The following COP1 variants were observed in gnomAD, a reference collection of about 807,000 sequenced individuals.
The protein encoded by COP1 is COP1 E3 ubiquitin ligase, also known as E3 ubiquitin-protein ligase COP1.
In COP1, 24 loss-of-function variants were observed where a neutral mutation model predicts 101.3. The observed-to-expected ratio is 0.24, with a 90% CI of 0.17 to 0.33. The LOEUF (loss-of-function observed/expected upper bound fraction) is 0.33, where lower values mean the gene tolerates loss of function less well. COP1 is among the 10% of genes least tolerant of loss of function. The pLI, the probability that COP1 is intolerant of heterozygous loss-of-function variation, is 1.00. For synonymous variants in COP1, 347 were observed against 341.9 expected (o/e 1.01, Z -0.17); for missense variants, 663 against 906.2 (o/e 0.73, Z 3.45).
chr1:176,143,753 C>T (rs1342895606), intron 6 of COP1, among the ~76,000 whole-genome samples: 2 of 151,990 alleles, frequency 1.3e-5, no homozygotes, highest in African/African-American at 4.8e-5. Flanking sequence ...CTAAGACACC[C>T]CTGGGCCAAT....
At chr1:176,005,955 A>AG (rs1344504352) in intron 15 of COP1, among the ~76,000 whole-genome samples, 10 of 151,838 alleles carry the variant, frequency 6.6e-5, no homozygotes, top group South Asian at 2.1e-4. Context: ...GGGGTGTTAA[A>AG]TCTCCCATTA....
intron 15 of COP1, among the ~76,000 whole-genome samples, chr1:176,016,635 C>T (rs1427742239): frequency 6.6e-6 from 1 of 152,052 alleles, no homozygotes; most frequent in Non-Finnish European, 1.5e-5. Flanking sequence ...AACAGAGATG[C>T]CAGGTACATG....
At chr1:176,153,267 T>C (rs1474326845) in intron 5 of COP1, among the ~76,000 whole-genome samples, 1 of 152,094 alleles carries the variant, frequency 6.6e-6, no homozygotes, top group Non-Finnish European at 1.5e-5. Flanking sequence ...CTTATACATG[T>C]CCCTGGGGTA....
intron 18 of COP1, among the ~76,000 whole-genome samples, chr1:175,973,791 T>C (rs181987527): frequency 6.6e-6 from 1 of 152,204 alleles, no homozygotes; most frequent in Non-Finnish European, 1.5e-5. Flanking sequence ...AACTCAGCAT[T>C]GTGCAAAGTT....
At chr1:176,130,570 T>A (rs768650877) in intron 8 of COP1, among the ~76,000 whole-genome samples, 2 of 151,742 alleles carry the variant, frequency 1.3e-5, no homozygotes, top group African/African-American at 4.8e-5. Context: ...TATATTTTTT[T>A]AAAAAACATA....
intron 11 of COP1, among the ~76,000 whole-genome samples, chr1:176,068,052 G>C (rs1313159138): frequency 6.6e-6 from 1 of 152,194 alleles, no homozygotes; most frequent in Non-Finnish European, 1.5e-5. Context: ...GTTGGTAATG[G>C]GTGATGCTAT....
chr1:175,965,674 C>T (rs189951902), intron 18 of COP1, among the ~76,000 whole-genome samples: 82 of 152,130 alleles, frequency 5.4e-4, no homozygotes, highest in Admixed American at 1.7e-3. Context: ...CTGCAACCTC[C>T]GCTTCCCGGG....
intron 18 of COP1, among the ~76,000 whole-genome samples, chr1:175,977,382 C>T (rs1388174929): frequency 6.6e-6 from 1 of 152,036 alleles, no homozygotes; most frequent in African/African-American, 2.4e-5. Flanking sequence ...CAAACAGGCA[C>T]AAAATTAAAT....
chr1:175,989,736 CATT>C (rs1657964851), intron 15 of COP1, among the ~76,000 whole-genome samples: 1 of 152,056 alleles, frequency 6.6e-6, no homozygotes, highest in East Asian at 1.9e-4. Flanking sequence ...TTAATATAAA[CATT>C]ATGGGACATC....
intron 14 of COP1, among the ~76,000 whole-genome samples, chr1:176,036,674 A>G (rs760922427): frequency 3.7e-4 from 56 of 152,158 alleles, no homozygotes; most frequent in Non-Finnish European, 5.9e-4. Context: ...TTGAATTTTG[A>G]TATTTCACCA....
intron 6 of COP1, among the ~76,000 whole-genome samples, chr1:176,141,507 T>A (rs1008567019): frequency 3.3e-5 from 5 of 151,496 alleles, no homozygotes; most frequent in African/African-American, 1.2e-4. Context: ...TCTCAAAAAA[T>A]ACATACATAC....
chr1:176,160,283 T>A (rs868222641), intron 5 of COP1: 75 of 279,868 alleles, frequency 2.7e-4, no homozygotes, highest in African/African-American at 2.2e-3. Flanking sequence ...TTTTTTTTTT[T>A]ACTTTAAGTT....
chr1:176,074,185 G>A (rs2502825), intron 11 of COP1, among the ~76,000 whole-genome samples: 1 of 152,090 alleles, frequency 6.6e-6, no homozygotes, highest in Non-Finnish European at 1.5e-5. Context: ...CCTCGGCCCC[G>A]CAAAGTGCTG....
chr1:176,184,798 T>C, intron 1 of COP1, 106 bp from the exon 2 acceptor site: 1 of 746,994 alleles, frequency 1.3e-6, no homozygotes, highest in South Asian at 1.8e-5. Context: ...ATATACAGTT[T>C]AGAGCTAAGT....
At chr1:176,192,638 A>C (rs777254683) in intron 1 of COP1, among the ~76,000 whole-genome samples, 2 of 152,166 alleles carry the variant, frequency 1.3e-5, no homozygotes, top group African/African-American at 2.4e-5. Context: ...AAGAGTACCC[A>C]ATCACAGGCC....
chr1:175,991,234 C>A lies in COP1; in HGVS notation c.1730-1755G>T, dbSNP rs1041127700. On this transcript the variant is annotated intron_variant, in intron 15 of 19. Transcript: ENST00000367669. ...AACCTAGATGGTATAGACTACTACACACTTAGGTTATGTGGAATAGCCTAT... is the reference window on the plus strand; with the variant it reads ...AACCTAGATGGTATAGACTACTACAAACTTAGGTTATGTGGAATAGCCTAT... 8.5e-5 allele frequency among the ~76,000 whole-genome samples: 13 copies of A among 152,276 alleles called. 1 individual carries two copies. The highest frequency in any genetic ancestry group is 3.1e-4 in the African/African-American group (13 of 41,572).
intron 2 of COP1, among the ~76,000 whole-genome samples, chr1:176,182,226 T>C (rs1697885537): frequency 6.6e-6 from 1 of 151,998 alleles, no homozygotes; most frequent in South Asian, 2.1e-4. Context: ...TTTAAATCCA[T>C]AAAAAGAGGA....
At chr1:176,091,179 A>C (rs2149452406) in intron 9 of COP1, among the ~76,000 whole-genome samples, 1 of 152,268 alleles carries the variant, frequency 6.6e-6, no homozygotes, top group Non-Finnish European at 1.5e-5. Context: ...AATGAAGTTT[A>C]TTACCAGTGA....
intron 15 of COP1, among the ~76,000 whole-genome samples, chr1:175,998,690 G>A (rs368248342): frequency 6.6e-6 from 1 of 151,982 alleles, no homozygotes; most frequent in East Asian, 1.9e-4. Context: ...ATGTACAATA[G>A]TCCAGAGATG....
Sources: gnomAD v4.1 joint callset for allele counts (sites outside exome capture counted in the v4.1 genomes callset) on GRCh38, gnomAD v4.1.1 for gene constraint, MANE v1.5 for transcripts, NCBI Gene and HGNC (gene_info 2026-07-23, HGNC 2026-07-21) for gene names.